The following FNBP1 variants were observed in gnomAD, a reference collection of about 807,000 sequenced individuals.
FNBP1 encodes the protein formin-binding protein 1.
A neutral mutation model predicts 90.6 loss-of-function variants in FNBP1; 26 were observed. The observed-to-expected ratio is 0.29, with a 90% confidence interval of 0.21 to 0.40. The LOEUF (loss-of-function observed/expected upper bound fraction) is 0.40, where lower values mean the gene tolerates loss of function less well. Ranked by LOEUF, FNBP1 falls within the 10% of genes least tolerant of loss-of-function variation. FNBP1 has a pLI of 1.00. For synonymous variants in FNBP1, 260 were observed against 265.2 expected (o/e 0.98, Z 0.19); for missense variants, 635 against 768.0 (o/e 0.83, Z 2.05).
upstream of FNBP1, among the ~76,000 whole-genome samples, chr9:130,043,694 T>G (rs1326495530): frequency 6.6e-6 from 1 of 152,194 alleles, no homozygotes; most frequent in Non-Finnish European, 1.5e-5. Context: ...GCTGTGCGAA[T>G]AGAGACGTCG....
intron 2 of FNBP1, among the ~76,000 whole-genome samples, chr9:129,981,006 G>A (rs1347727077): frequency 1.1e-4 from 16 of 147,750 alleles, no homozygotes; most frequent in African/African-American, 3.8e-4. Context: ...AGCTGAGATC[G>A]CGCCACTGCA....
intron 6 of FNBP1, among the ~76,000 whole-genome samples, chr9:129,948,806 G>C (rs2132544879): frequency 6.6e-6 from 1 of 152,200 alleles, no homozygotes. Context: ...CTCTCAAAGT[G>C]CTGGGATTAC....
At chr9:129,965,958 G>A (rs7847616) in intron 4 of FNBP1, among the ~76,000 whole-genome samples, 144,592 of 152,212 alleles carry the variant, frequency 0.95, 68,858 homozygotes, top group East Asian at 0.99. Context: ...CTGATACAGA[G>A]AATCTCCCAT....
intron 13 of FNBP1, among the ~76,000 whole-genome samples, chr9:129,901,335 G>A (rs1588392201): frequency 1.3e-5 from 2 of 151,556 alleles, no homozygotes; most frequent in Admixed American, 6.6e-5. Flanking sequence ...TCAGGAGTTC[G>A]AGACCAGCCT....
chr9:130,052,677 C>T, the FNBP1 span, among the ~76,000 whole-genome samples: 4 of 151,992 alleles, frequency 2.6e-5, no homozygotes, highest in East Asian at 2.0e-4. Context: ...TCAAGTGATC[C>T]GCCCGCCTCG....
At chr9:129,897,209 G>A (rs1588351209) in intron 15 of FNBP1, among the ~76,000 whole-genome samples, 2 of 152,086 alleles carry the variant, frequency 1.3e-5, no homozygotes, top group South Asian at 4.1e-4. Context: ...GATCAGCCCC[G>A]AATATATGCA....
Position 130,042,876 on chromosome 9 carries a change from C to T in FNBP1, c.24+76G>A, listed in dbSNP as rs1015457338. 4.7e-6 allele frequency: 5 copies of T among 1,071,592 alleles called. No homozygotes were observed. In the African/African-American group the frequency reaches 4.9e-5, roughly 11 times the overall value. 66.4% of individuals were successfully genotyped at this position (1,071,592 alleles called of 1,614,324 possible). On this transcript the variant is annotated intron_variant, in intron 1 of 16. Transcript: ENST00000446176. The surrounding 1 kb of genome is among the most constrained non-coding windows in gnomAD (Gnocchi z 5.5). ...CCTCGCCTCCGCCCAGCAGCGCGGC[C>T]CGCGCCCCCTCCCCAGGCCGCGGGG...
intron 12 of FNBP1, among the ~76,000 whole-genome samples, chr9:129,905,296 A>G (rs113399554): frequency 8.0e-6 from 1 of 124,360 alleles, no homozygotes; most frequent in African/African-American, 2.9e-5. Context: ...GTGTGTGTGT[A>G]TATATATATA....
intron 1 of FNBP1, among the ~76,000 whole-genome samples, chr9:130,010,102 A>C (rs1277479374): frequency 6.6e-6 from 1 of 152,090 alleles, no homozygotes; most frequent in Non-Finnish European, 1.5e-5. Context: ...TATTACCCCC[A>C]TATGTTCAAA....
rs577434563 is a variant in FNBP1 at position 130,003,712 on chromosome 9, A to G, written c.25-8754T>C. On this transcript the variant is annotated intron_variant, in intron 1 of 16. Coordinates refer to ENST00000446176, the MANE Select transcript of FNBP1 (RefSeq NM_015033.3). ...GCCGAGAAGGGCAGATCACAGGGCC[A>G]GGAGATCAAGACCATCCTGGCTAAC... Among the ~76,000 whole-genome samples, 17 of 152,024 alleles carry G rather than the reference A, an allele frequency of 1.1e-4. No individual in the cohort carries two copies. In the East Asian group the frequency reaches 3.1e-3, roughly 28 times the overall value.
At chr9:129,938,541 CTT>C (rs77369142) in intron 6 of FNBP1, among the ~76,000 whole-genome samples, 10 of 140,552 alleles carry the variant, frequency 7.1e-5, no homozygotes, top group African/African-American at 1.3e-4. Context: ...TTTCCTGACT[CTT>C]TTTTTTTTTT....
Position 129,966,276 on chromosome 9 carries a change from A to AGT in FNBP1, c.346-7725_346-7724dup, listed in dbSNP as rs1219238549. ...TACCCTCCAAGCCGCAGGCAGAGCA[A>AGT]GTGCAGATGCTCTGAGTGTGAAGGG... is the stretch of plus-strand genomic sequence containing the variant. On this transcript the variant is annotated intron_variant, in intron 4 of 16. Transcript: ENST00000446176. This position sits in a 1 kb window ranked among gnomAD's most constrained non-coding sequence, Gnocchi z 4.3. Among the ~76,000 whole-genome samples, 1 of 152,230 alleles carries AGT rather than the reference A, an allele frequency of 6.6e-6. No homozygotes were observed. The highest frequency in any genetic ancestry group is 1.9e-4 in the East Asian group (1 of 5,200).
At chr9:129,894,664 C>T (rs1010848628) in intron 16 of FNBP1, among the ~76,000 whole-genome samples, 6 of 152,176 alleles carry the variant, frequency 3.9e-5, no homozygotes, top group Admixed American at 2.0e-4. Flanking sequence ...CAACAGAAAC[C>T]GAACCAAGTG....
At position 130,013,633 on chromosome 9, in the gene FNBP1, A is replaced by G. The variant is rs1171484170; in HGVS notation, c.25-18675T>C. On this transcript the variant is annotated intron_variant, in intron 1 of 16. Coordinates refer to ENST00000446176, the MANE Select transcript of FNBP1 (RefSeq NM_015033.3). Reference sequence around the variant, plus strand: ...AACTCTTGCTCATGTGCACCAAGAGACATGCATATGAATGTTTATAGCAGC... The same window carrying G: ...AACTCTTGCTCATGTGCACCAAGAGGCATGCATATGAATGTTTATAGCAGC... 17 of 448,996 alleles carry G rather than the reference A, an allele frequency of 3.8e-5. No homozygotes were observed. The East Asian group carries it at 1.1e-3, about 29-fold the overall frequency. 27.8% of individuals were successfully genotyped at this position (448,996 alleles called of 1,614,324 possible).
the FNBP1 span, among the ~76,000 whole-genome samples, chr9:130,049,541 G>A: frequency 7.9e-5 from 12 of 151,862 alleles, no homozygotes; most frequent in Admixed American, 4.6e-4. Context: ...TGGCGAAACC[G>A]TCTCCACAAA....
intron 10 of FNBP1, among the ~76,000 whole-genome samples, chr9:129,920,429 G>A (rs1282896052): frequency 6.6e-6 from 1 of 152,056 alleles, no homozygotes; most frequent in Non-Finnish European, 1.5e-5. Context: ...AGCCTCCTAA[G>A]TAGCTGGGAT....
chr9:129,929,485 C>T (rs1699103313), intron 7 of FNBP1, 82 bp downstream of exon 7: 3 of 1,272,328 alleles, frequency 2.4e-6, no homozygotes, highest in African/African-American at 1.5e-5. Flanking sequence ...AATACAAACC[C>T]AGCAATCACG....
intron 15 of FNBP1, among the ~76,000 whole-genome samples, chr9:129,899,682 T>C (rs2036488056): frequency 6.6e-6 from 1 of 150,736 alleles, no homozygotes; most frequent in South Asian, 2.1e-4. Flanking sequence ...TGAGCCATGA[T>C]TGCACCACTG....
At chr9:129,947,951 G>T in intron 6 of FNBP1, among the ~76,000 whole-genome samples, 1 of 148,822 alleles carries the variant, frequency 6.7e-6, no homozygotes, top group African/African-American at 2.5e-5. Context: ...ATAAGTCCAT[G>T]AAGTCATAAT....
Sources: gnomAD v4.1 joint callset for allele counts (sites outside exome capture counted in the v4.1 genomes callset) on GRCh38, gnomAD v4.1.1 for gene constraint, Gnocchi (gnomAD v3.1) non-coding constraint, MANE v1.5 for transcripts, NCBI Gene and HGNC (gene_info 2026-07-23, HGNC 2026-07-21) for gene names.